Variants in KIAA1671 observed in about 807,000 individuals in gnomAD.
KIAA1671 encodes the protein KIAA1671.
Under a neutral mutation model 131.2 loss-of-function variants are expected in KIAA1671, and 52 were observed. The ratio of observed to expected loss-of-function variants is 0.40; its 90% CI spans 0.32 to 0.50. The LOEUF (loss-of-function observed/expected upper bound fraction) is 0.50, where lower values mean the gene tolerates loss of function less well. Among genes scored for constraint, KIAA1671 ranks in the 20% least tolerant of loss-of-function variants. The pLI, the probability that KIAA1671 is intolerant of heterozygous loss-of-function variation, is 0.73. For synonymous variants in KIAA1671, 1,003 were observed against 961.6 expected, an observed-to-expected ratio of 1.04 and a Z score of -0.80; for missense variants, 2,360 against 2,364.2, an observed-to-expected ratio of 1.00 and a Z score of 0.04.
At chr22:24,972,437 C>A (rs1392738606) in intron 1 of KIAA1671, among the ~76,000 whole-genome samples, 1 of 152,122 alleles carries the variant, frequency 6.6e-6, no homozygotes, top group Non-Finnish European at 1.5e-5. Context: ...TCCACCTACC[C>A]ATTCATCCAC....
chr22:24,965,740 C>CAAAAAAA (rs767916092), intron 1 of KIAA1671, among the ~76,000 whole-genome samples: 7 of 45,832 alleles, frequency 1.5e-4, no homozygotes, highest in East Asian at 6.0e-4. Context: ...AACTCCATCT[C>CAAAAAAA]AAAAAAAAAA....
chr22:25,186,986 C>T (rs1934495664), intron 11 of KIAA1671, among the ~76,000 whole-genome samples: 1 of 152,212 alleles, frequency 6.6e-6, no homozygotes, highest in African/African-American at 2.4e-5. Context: ...TTAGGCAAAG[C>T]TTGGCTGAAG....
intron 6 of KIAA1671, among the ~76,000 whole-genome samples, chr22:25,084,248 G>A (rs1483958990): frequency 2.6e-5 from 4 of 152,184 alleles, no homozygotes; most frequent in African/African-American, 7.2e-5. Context: ...AGGCCGAGGC[G>A]GGCGGATCAC....
chr22:25,134,518 T>G (rs2145950069), intron 6 of KIAA1671, among the ~76,000 whole-genome samples: 1 of 152,352 alleles, frequency 6.6e-6, no homozygotes, highest in South Asian at 2.1e-4. Context: ...CAAAATCATC[T>G]CCACAATGAC....
In KIAA1671 at chr22:25,038,706, C is replaced by T; in HGVS notation, c.1630-54C>T. The T allele has an allele frequency of 4.8e-6, 7 of 1,463,514 alleles. No individual in the cohort carries two copies. In the Admixed American group the frequency reaches 1.1e-4, roughly 22 times the overall value. 90.7% of individuals were successfully genotyped at this position (1,463,514 alleles called of 1,614,324 possible). A position where few individuals can be genotyped will look rare whatever the true frequency, so the allele number is the denominator to read the frequency against. ...TTCAATTACTCCACTTTTTCCTTTC[C>T]ATCTCAAATCCTTAAACACTGAGGT... On this transcript the variant is annotated intron_variant, in intron 4 of 12. Coordinates refer to ENST00000358431, the MANE Select transcript of KIAA1671 (RefSeq NM_001145206.2).
intron 6 of KIAA1671, among the ~76,000 whole-genome samples, chr22:25,069,274 G>A (rs1473560344): frequency 6.6e-6 from 1 of 152,188 alleles, no homozygotes; most frequent in African/African-American, 2.4e-5. Flanking sequence ...GGGATAATTT[G>A]TCGCATTTTA....
At chr22:25,047,351 G>A (rs972174146) in intron 5 of KIAA1671, among the ~76,000 whole-genome samples, 12 of 151,494 alleles carry the variant, frequency 7.9e-5, no homozygotes, top group Non-Finnish European at 1.3e-4. Context: ...GGGTTTCACC[G>A]TGTTGCCCAG....
chr22:25,116,507 C>T (rs577538037), intron 6 of KIAA1671, among the ~76,000 whole-genome samples: 3 of 152,088 alleles, frequency 2.0e-5, no homozygotes, highest in South Asian at 2.1e-4. Flanking sequence ...CTGCAACCTC[C>T]GCCTCCTGGG....
chr22:25,049,367 G>A lies in KIAA1671; in HGVS notation c.4530+3G>A. On this transcript the variant is annotated splice_donor_region_variant and intron_variant, in intron 6 of 12. Transcript: ENST00000358431. ...ACAGGAGGAGTGGGCCCTTTGTGGTGAGTGATGCAACATGGCTGGAGAGGA... is the reference window on the plus strand; with the variant it reads ...ACAGGAGGAGTGGGCCCTTTGTGGTAAGTGATGCAACATGGCTGGAGAGGA... The A allele has an allele frequency of 6.5e-7, 1 of 1,548,902 alleles. No individual in the cohort carries two copies. Among genetic ancestry groups the A allele is most frequent in the African/African-American group, 1.4e-5 (1 of 73,120 alleles).
intron 6 of KIAA1671, among the ~76,000 whole-genome samples, chr22:25,170,006 C>G (rs575208736): frequency 6.6e-6 from 1 of 152,132 alleles, no homozygotes; most frequent in Admixed American, 6.5e-5. Flanking sequence ...CTCCGCCTCC[C>G]GAGTTCACGC....
intron 6 of KIAA1671, among the ~76,000 whole-genome samples, chr22:25,081,982 G>A (rs1286270101): frequency 6.6e-6 from 1 of 152,072 alleles, no homozygotes; most frequent in African/African-American, 2.4e-5. Context: ...GATCACCTAA[G>A]CCCAGGAGTT....
chr22:25,182,522 A>AC (rs1418022695), intron 10 of KIAA1671, among the ~76,000 whole-genome samples: 1 of 151,976 alleles, frequency 6.6e-6, no homozygotes, highest in Non-Finnish European at 1.5e-5. Flanking sequence ...GTTTCTCCAT[A>AC]CCCTTCACTC....
chr22:25,038,302 G>A (rs994622542), intron 4 of KIAA1671, among the ~76,000 whole-genome samples: 10 of 152,200 alleles, frequency 6.6e-5, no homozygotes, highest in Non-Finnish European at 1.5e-4. Flanking sequence ...GCGCCTGGCT[G>A]GATCTGCCTC....
At chr22:25,003,833 T>A (rs540194237) in intron 1 of KIAA1671, among the ~76,000 whole-genome samples, 5 of 145,758 alleles carry the variant, frequency 3.4e-5, no homozygotes, top group South Asian at 4.3e-4. Flanking sequence ...AAAATAGGAT[T>A]TTTTTTTTTT....
intron 1 of KIAA1671, among the ~76,000 whole-genome samples, chr22:25,015,622 A>C (rs1925271305): frequency 6.6e-6 from 1 of 152,216 alleles, no homozygotes; most frequent in African/African-American, 2.4e-5. Flanking sequence ...GCAAATCAGC[A>C]TATTAAAGGT....
intron 1 of KIAA1671, among the ~76,000 whole-genome samples, chr22:25,009,338 C>T (rs1924908084): frequency 7.6e-6 from 1 of 131,844 alleles, no homozygotes; most frequent in Non-Finnish European, 1.6e-5. Context: ...AATCTTGGCT[C>T]ACTGCAACCT....
At chr22:24,969,345 A>G (rs1388628960) in intron 1 of KIAA1671, among the ~76,000 whole-genome samples, 2 of 152,206 alleles carry the variant, frequency 1.3e-5, no homozygotes, top group East Asian at 1.9e-4. Flanking sequence ...TAACCTACGC[A>G]TATCTTCTCA....
chr22:25,176,955 A>T (rs5760892), intron 8 of KIAA1671: 12,426 of 166,348 alleles, frequency 0.075, 559 homozygotes, highest in East Asian at 0.16. Context: ...TTAGATGTTG[A>T]ATCCATTATT....
intron 6 of KIAA1671, among the ~76,000 whole-genome samples, chr22:25,156,537 A>G (rs1304847228): frequency 6.6e-6 from 1 of 150,516 alleles, no homozygotes; most frequent in Non-Finnish European, 1.5e-5. Flanking sequence ...GTATGTGTAC[A>G]TCCGTATGTG....
Sources: gnomAD v4.1 joint callset for allele counts (sites outside exome capture counted in the v4.1 genomes callset) on GRCh38, gnomAD v4.1.1 for gene constraint, MANE v1.5 for transcripts, NCBI Gene and HGNC (gene_info 2026-07-23, HGNC 2026-07-21) for gene names.